Variants in NACC1 observed in about 807,000 individuals in gnomAD.
NACC1 encodes the protein nucleus accumbens-associated protein 1.
A neutral mutation model predicts 41.7 loss-of-function variants in NACC1; 6 were observed. That is an observed-to-expected ratio of 0.14 (90% CI 0.08 to 0.28). The LOEUF (loss-of-function observed/expected upper bound fraction) is 0.28. Among genes scored for constraint, NACC1 ranks in the 10% least tolerant of loss-of-function variants. The pLI is 1.00. For synonymous variants in NACC1, 338 were observed against 330.6 expected (o/e 1.02, Z -0.24); for missense variants, 434 against 763.7 (o/e 0.57, Z 5.09).
rs2019733332 is a variant in NACC1, at chr19:13,138,139, C to A, written c.1325-8C>A. On this transcript the variant is annotated splice_polypyrimidine_tract_variant and splice_region_variant and intron_variant, in intron 5 of 5. Transcript: ENST00000292431. The surrounding 1 kb of genome is among the most constrained non-coding windows in gnomAD (Gnocchi z 5.7). The stretch of plus-strand genomic sequence containing the variant: ...CCGTGCCAAGGCCGCACCCACCCTG[C>A]CCCACAGACTACTGCCAGAACTTCG... 1.2e-6 allele frequency: 2 copies of A among 1,611,966 alleles called. No individual in the cohort carries two copies. The highest frequency in any genetic ancestry group is 2.3e-5 in the East Asian group (1 of 44,336).
chr19:13,138,935 T>G lies in NACC1; in HGVS notation c.*529T>G, dbSNP rs1488863361. On this transcript the variant is annotated 3_prime_UTR_variant, in exon 6 of 6. Transcript: ENST00000292431. The surrounding 1 kb of genome is among the most constrained non-coding windows in gnomAD (Gnocchi z 5.7). ...CTGGGGGCTGGGGTAGGCGAGGCCGTGGGGACTACCCATTTTATAGCTGGG... is the reference window on the plus strand; with the variant it reads ...CTGGGGGCTGGGGTAGGCGAGGCCGGGGGGACTACCCATTTTATAGCTGGG... 1 of 156,118 alleles carries G rather than the reference T, an allele frequency of 6.4e-6. No homozygotes were observed. Among genetic ancestry groups the G allele is most frequent in the Non-Finnish European group, 1.4e-5 (1 of 70,268 alleles). The allele number at this position is 156,118 out of a possible 1,614,324, so 9.7% of individuals were successfully genotyped here.
At position 13,135,306 on chromosome 19, in the gene NACC1, A is replaced by G. The variant is rs758934922; in HGVS notation, c.99A>G (p.Ser33=). The change falls in exon 2 of 6, where the codon TCA becomes TCG. Residue 33 remains serine, a synonymous_variant. Coordinates refer to ENST00000292431, the MANE Select transcript of NACC1 (RefSeq NM_052876.4). ...TGCAGGGCCTGTACTGTGACGTGTC[A>G]GTGGTGGTCAAGGGCCATGCCTTCA... is the stretch of plus-strand genomic sequence containing the variant. ...QRLQGLYCDV[S]VVVKGHAFKA... is the part of the protein sequence containing the mutation. The G allele has an allele frequency of 1.2e-6, 2 of 1,613,826 alleles. No individual in the cohort carries two copies. Among genetic ancestry groups the G allele is most frequent in the Non-Finnish European group, 1.7e-6 (2 of 1,180,034 alleles).
At chr19:13,125,790 A>G (rs181274334) in intron 1 of NACC1, among the ~76,000 whole-genome samples, 1 of 151,890 alleles carries the variant, frequency 6.6e-6, no homozygotes, top group East Asian at 1.9e-4. Context: ...CCCAGCCTAG[A>G]GTGCAGTGGC....
At chr19:13,127,333 CAAAA>C (rs59958429) in intron 1 of NACC1, among the ~76,000 whole-genome samples, 1 of 40,126 alleles carries the variant, frequency 2.5e-5, no homozygotes, top group Non-Finnish European at 4.0e-5. Context: ...ACGTCTCTAC[CAAAA>C]AAAAAAAAAA....
At chr19:13,120,156 C>T in intron 1 of NACC1, among the ~76,000 whole-genome samples, 1 of 152,112 alleles carries the variant, frequency 6.6e-6, no homozygotes, top group East Asian at 1.9e-4. Flanking sequence ...GGGAATGGAA[C>T]AGTGGAGGTA....
Position 13,135,626 on chromosome 19 carries a change from C to T in NACC1, c.419C>T (p.Ser140Leu), listed in dbSNP as rs1312154619. 5 of 1,574,814 alleles carry T rather than the reference C, an allele frequency of 3.2e-6. No individual in the cohort carries two copies. The highest frequency in any genetic ancestry group is 1.1e-5 in the South Asian group (1 of 87,446). Residue 140 changes from serine (S) to leucine (L), a missense_variant, in exon 2 of 6, where the codon TCG becomes TTG. Ser to Leu is a moderately radical substitution (Grantham distance 145). This residue lies in a region of NACC1 where 234 missense variants were observed against 308.3 expected (regional missense o/e 0.76). Coordinates refer to ENST00000292431, the MANE Select transcript of NACC1 (RefSeq NM_052876.4). The stretch of plus-strand genomic sequence containing the variant: ...GGCCTGCATGCGGAGGAGGCCCCAT[C>T]GTCGGAGCCCCAGAGCCCCGTGGCG... Reference protein sequence around the residue: ...SQGLHAEEAPSSEPQSPVAQT... With the variant: ...SQGLHAEEAPLSEPQSPVAQT...
intron 1 of NACC1, among the ~76,000 whole-genome samples, chr19:13,130,796 A>C (rs1176395034): frequency 6.6e-6 from 1 of 151,926 alleles, no homozygotes; most frequent in Admixed American, 6.6e-5. Flanking sequence ...TCAGCCTCCC[A>C]ATGTGCTGGG....
chr19:13,137,098 C>T lies in NACC1; in HGVS notation c.1121-173C>T, dbSNP rs1295272821. On this transcript the variant is annotated intron_variant, in intron 3 of 5. Transcript: ENST00000292431. This position sits in a 1 kb window ranked among gnomAD's most constrained non-coding sequence, Gnocchi z 6.1. ...GGTTGGGGGAGCCCCAAGGAGCCTC[C>T]CCTGACTGCCCTTGGTGGGTAGAGA... Among the ~76,000 whole-genome samples the T allele has an allele frequency of 6.6e-6, 1 of 152,198 alleles. No individual in the cohort carries two copies. Among genetic ancestry groups the T allele is most frequent in the East Asian group, 1.9e-4 (1 of 5,182 alleles).
At chr19:13,117,635 C>T (rs1209078553), upstream of NACC1, 1 of 150,088 alleles carries the variant, frequency 6.7e-6, no homozygotes, top group Non-Finnish European at 1.5e-5. Context: ...CTCACTGCAA[C>T]CACCGCCTCC....
At chr19:13,123,697 G>A (rs573795076) in intron 1 of NACC1, among the ~76,000 whole-genome samples, 2 of 152,300 alleles carry the variant, frequency 1.3e-5, no homozygotes, top group East Asian at 3.9e-4. Context: ...CCAGCTCTGG[G>A]CTCGGCCGGT....
At chr19:13,128,716 T>C (rs1300912102) in intron 1 of NACC1, among the ~76,000 whole-genome samples, 1 of 152,230 alleles carries the variant, frequency 6.6e-6, no homozygotes, top group Non-Finnish European at 1.5e-5. Flanking sequence ...TGTCTCCTGC[T>C]GGACTGTGAG....
rs557195545 is a variant in NACC1, at chr19:13,137,852, C to G, written c.1324+277C>G. ...TGAGGCAGCCAGACAGTGCTAGCCA[C>G]TCGTCATGGGGGGCATCTAGATTTT... On this transcript the variant is annotated intron_variant, in intron 5 of 5. Transcript: ENST00000292431. The surrounding 1 kb of genome is among the most constrained non-coding windows in gnomAD (Gnocchi z 6.1). Among the ~76,000 whole-genome samples the G allele has an allele frequency of 2.0e-5, 3 of 152,318 alleles. No individual in the cohort carries two copies. Among genetic ancestry groups the G allele is most frequent in the Admixed American group, 6.5e-5 (1 of 15,308 alleles).
Position 13,140,626 on chromosome 19 carries a change from G to A in NACC1, c.*2220G>A, listed in dbSNP as rs1429974362. The A allele has an allele frequency of 6.6e-6, 1 of 151,630 alleles. No homozygotes were observed. The highest frequency in any genetic ancestry group is 1.5e-5 in the Non-Finnish European group (1 of 67,880). The allele number at this position is 151,630 out of a possible 1,614,324, so 9.4% of individuals were successfully genotyped here. ...CCAGGACTGTGTGTGGGTCCGGGGGGTGGGGGGGTGGGGAGAAGGGTCGGG... is the reference window on the plus strand; with the variant it reads ...CCAGGACTGTGTGTGGGTCCGGGGGATGGGGGGGTGGGGAGAAGGGTCGGG... On this transcript the variant is annotated 3_prime_UTR_variant, in exon 6 of 6. Coordinates refer to ENST00000292431, the MANE Select transcript of NACC1 (RefSeq NM_052876.4). This position sits in a 1 kb window ranked among gnomAD's most constrained non-coding sequence, Gnocchi z 4.0.
chr19:13,136,623 G>C lies in NACC1; in HGVS notation c.1120+218G>C, dbSNP rs1019546328. Reference sequence around the variant, plus strand: ...GGTTTCTGGCTTAAGGGGTCGGGGCGAGCATTGGCTATTATTGTTTGGCCG... The same window carrying C: ...GGTTTCTGGCTTAAGGGGTCGGGGCCAGCATTGGCTATTATTGTTTGGCCG... On this transcript the variant is annotated intron_variant, in intron 3 of 5. Transcript: ENST00000292431. The surrounding 1 kb of genome is among the most constrained non-coding windows in gnomAD (Gnocchi z 5.5). Among the ~76,000 whole-genome samples, 6 of 152,176 alleles carry C rather than the reference G, an allele frequency of 3.9e-5. No individual in the cohort carries two copies.
At chr19:13,119,496 T>C (rs2019461211) in intron 1 of NACC1, among the ~76,000 whole-genome samples, 1 of 152,120 alleles carries the variant, frequency 6.6e-6, no homozygotes, top group African/African-American at 2.4e-5. Flanking sequence ...CTGGGTATTT[T>C]AGGATCCTGC....
At chr19:13,119,615 C>T (rs1024074410) in intron 1 of NACC1, among the ~76,000 whole-genome samples, 2 of 152,204 alleles carry the variant, frequency 1.3e-5, no homozygotes, top group Admixed American at 6.5e-5. Flanking sequence ...GGCACCAACT[C>T]CTTGAGCCTG....
At chr19:13,117,413 T>C (rs1227745262), upstream of NACC1, 2 of 152,214 alleles carry the variant, frequency 1.3e-5, no homozygotes, top group Admixed American at 1.3e-4. Context: ...TAACAGAACC[T>C]AGCATCCGGT....
chr19:13,127,333 CAAAAAAAAAAAA>C (rs59958429), intron 1 of NACC1, among the ~76,000 whole-genome samples: 1 of 40,126 alleles, frequency 2.5e-5, no homozygotes, highest in Admixed American at 4.2e-4. Context: ...ACGTCTCTAC[CAAAAAAAAAAAA>C]AAAAAAAAGC....
chr19:13,136,729 G>A lies in NACC1; in HGVS notation c.1120+324G>A, dbSNP rs1461303191. Among the ~76,000 whole-genome samples the A allele has an allele frequency of 5.3e-5, 8 of 152,168 alleles. No individual in the cohort carries two copies. The highest frequency in any genetic ancestry group is 4.1e-4 in the South Asian group (2 of 4,836). Reference sequence around the variant, plus strand: ...TAGGAATTTGGACAGTCACAGGGGCGAATGCCTGTAGTCCTAGCTACTCAG... The same window carrying A: ...TAGGAATTTGGACAGTCACAGGGGCAAATGCCTGTAGTCCTAGCTACTCAG... On this transcript the variant is annotated intron_variant, in intron 3 of 5. Coordinates refer to ENST00000292431, the MANE Select transcript of NACC1 (RefSeq NM_052876.4). This position sits in a 1 kb window ranked among gnomAD's most constrained non-coding sequence, Gnocchi z 5.5.
Sources: gnomAD v4.1 joint callset for allele counts (sites outside exome capture counted in the v4.1 genomes callset) on GRCh38, gnomAD v4.1.1 for gene constraint, gnomAD v4.1.1 regional missense constraint, Gnocchi (gnomAD v3.1) non-coding constraint, MANE v1.5 for transcripts, NCBI Gene and HGNC (gene_info 2026-07-23, HGNC 2026-07-21) for gene names.